ADGRL3: variants seen among roughly 807,000 people sequenced by gnomAD.
ADGRL3 encodes calcium-independent alpha-latrotoxin receptor 3.
ADGRL3 carries 62 observed loss-of-function variants against 153.5 expected under a neutral mutation model. That is an observed-to-expected ratio of 0.40 (90% CI 0.33 to 0.50). The LOEUF (loss-of-function observed/expected upper bound fraction) is 0.50, where lower values mean the gene tolerates loss of function less well. ADGRL3 is among the 20% of genes least tolerant of loss of function. The pLI is 0.47. For missense variants in ADGRL3, 1,641 were observed against 1,859.4 expected (o/e 0.88, Z 2.16); for synonymous variants, 710 against 672.5 (o/e 1.06, Z -0.86).
chr4:61,682,147 G>A (rs1472234980), intron 6 of ADGRL3, among the ~76,000 whole-genome samples: 4 of 151,906 alleles, frequency 2.6e-5, no homozygotes, highest in Non-Finnish European at 5.9e-5. Flanking sequence ...CTTGGTGATT[G>A]CAATCCTCAA....
At chr4:61,747,278 T>A (rs1007531782) in intron 8 of ADGRL3, among the ~76,000 whole-genome samples, 1 of 149,490 alleles carries the variant, frequency 6.7e-6, no homozygotes, top group African/African-American at 2.5e-5. Flanking sequence ...CTACCAGAGG[T>A]ACAAGGAGGA....
chr4:61,350,880 A>G (rs961344353), intron 1 of ADGRL3, among the ~76,000 whole-genome samples: 1 of 152,070 alleles, frequency 6.6e-6, no homozygotes, highest in Non-Finnish European at 1.5e-5. Context: ...TTTTTAAATT[A>G]CACCAATTAA....
chr4:61,654,171 GT>G (rs1386060739), intron 5 of ADGRL3, among the ~76,000 whole-genome samples: 1 of 152,066 alleles, frequency 6.6e-6, no homozygotes, highest in Non-Finnish European at 1.5e-5. Flanking sequence ...GTACCTACTG[GT>G]AGTTAGTTAA....
At chr4:61,685,959 A>G (rs2095434618) in intron 6 of ADGRL3, among the ~76,000 whole-genome samples, 1 of 152,102 alleles carries the variant, frequency 6.6e-6, no homozygotes, top group Non-Finnish European at 1.5e-5. Context: ...GTAAATGTAC[A>G]CTTAGATACT....
intron 17 of ADGRL3, among the ~76,000 whole-genome samples, chr4:61,956,146 C>T (rs1222839455): frequency 6.6e-6 from 1 of 152,156 alleles, no homozygotes; most frequent in Non-Finnish European, 1.5e-5. Context: ...AATTTACATT[C>T]CCACCAATAG....
At chr4:61,347,688 T>A (rs1008517684) in intron 1 of ADGRL3, among the ~76,000 whole-genome samples, 5 of 152,018 alleles carry the variant, frequency 3.3e-5, no homozygotes, top group Non-Finnish European at 5.9e-5. Context: ...AAAAAAATGT[T>A]GAAGTCCTGT....
intron 1 of ADGRL3, among the ~76,000 whole-genome samples, chr4:61,358,612 A>AAAG (rs1366447036): frequency 6.6e-6 from 1 of 150,918 alleles, no homozygotes; most frequent in Non-Finnish European, 1.5e-5. Context: ...AAAAAAAAAA[A>AAAG]AAAAAGAAAG....
chr4:61,761,685 A>G (rs936275792), intron 8 of ADGRL3, among the ~76,000 whole-genome samples: 1 of 152,204 alleles, frequency 6.6e-6, no homozygotes, highest in African/African-American at 2.4e-5. Flanking sequence ...GTCCTGCCAC[A>G]TTGAAAGACT....
intron 8 of ADGRL3, among the ~76,000 whole-genome samples, chr4:61,792,073 G>A (rs1453405595): frequency 6.6e-6 from 1 of 152,160 alleles, no homozygotes; most frequent in Non-Finnish European, 1.5e-5. Context: ...GCAAATTTCT[G>A]CAGCAGGCTT....
At chr4:61,660,476 C>T (rs1391325) in intron 5 of ADGRL3, among the ~76,000 whole-genome samples, 5 of 152,150 alleles carry the variant, frequency 3.3e-5, no homozygotes, top group African/African-American at 1.2e-4. Flanking sequence ...TTAAATGAAT[C>T]GATTTTTATT....
At chr4:61,895,881 C>G in intron 11 of ADGRL3, 47 bp downstream of exon 11, 1 of 1,094,674 alleles carries the variant, frequency 9.1e-7, no homozygotes, top group South Asian at 1.6e-5. Context: ...ACTATATCAT[C>G]TGTTGTTGAT....
chr4:61,579,528 T>C (rs10018746), intron 4 of ADGRL3: 158,607 of 476,270 alleles, frequency 0.33, 29,722 homozygotes, highest in East Asian at 0.64. Flanking sequence ...GCTGCTTTTT[T>C]AGGCAATCCT....
chr4:61,286,779 A>G (rs2093957180), intron 1 of ADGRL3, among the ~76,000 whole-genome samples: 2 of 151,728 alleles, frequency 1.3e-5, no homozygotes, highest in Admixed American at 1.3e-4. Context: ...CGTGAATGAC[A>G]TGAGAAAGGG....
Position 61,837,141 on chromosome 4 carries a change from A to T in ADGRL3, c.1480+23252A>T, listed in dbSNP as rs149135193. On this transcript the variant is annotated intron_variant, in intron 9 of 26. Coordinates refer to ENST00000683033, the MANE Select transcript of ADGRL3 (RefSeq NM_001387552.1). ...TGCTAGAGTCAGGACTCTGGAATAG[A>T]TTCTAAAGAGTAACTACATTTTTTA... 3.3e-3 allele frequency among the ~76,000 whole-genome samples: 500 copies of T among 152,288 alleles called. 1 individual carries two copies. The highest frequency in any genetic ancestry group is 0.011 in the African/African-American group (446 of 41,594).
chr4:61,409,309 A>G (rs1009414166), intron 2 of ADGRL3, among the ~76,000 whole-genome samples: 3 of 141,616 alleles, frequency 2.1e-5, no homozygotes, highest in Non-Finnish European at 4.6e-5. Context: ...TCCATTATAT[A>G]TAATATATAT....
chr4:61,948,082 A>AT lies in ADGRL3; in HGVS notation c.2629-10dup, dbSNP rs200132274. The AT allele has an allele frequency of 1.7e-3, 2,646 of 1,589,224 alleles. 16 individuals are homozygous for AT. In the African/African-American group the frequency reaches 0.019, roughly 11 times the overall value. On this transcript the variant is annotated splice_polypyrimidine_tract_variant and intron_variant, in intron 16 of 26. Coordinates refer to ENST00000683033, the MANE Select transcript of ADGRL3 (RefSeq NM_001387552.1). ...CATAAAGTAGTTGTTGATTTTATGG[A>AT]TTTTTTTTCCCCTGTAGCAGTCAGA...
chr4:61,345,500 G>A (rs760587104), intron 1 of ADGRL3, among the ~76,000 whole-genome samples: 21 of 152,244 alleles, frequency 1.4e-4, no homozygotes, highest in Middle Eastern at 6.8e-3. Flanking sequence ...TATAGAAAGT[G>A]TTTTGTAAGA....
chr4:61,221,434 T>C (rs1468257188), intron 1 of ADGRL3, among the ~76,000 whole-genome samples: 1 of 152,154 alleles, frequency 6.6e-6, no homozygotes, highest in African/African-American at 2.4e-5. Flanking sequence ...GAACTGCTGT[T>C]TCAACATAAG....
At chr4:61,270,122 A>G (rs1276960768) in intron 1 of ADGRL3, among the ~76,000 whole-genome samples, 3 of 151,736 alleles carry the variant, frequency 2.0e-5, no homozygotes, top group Non-Finnish European at 4.4e-5. Flanking sequence ...TAGAGGTATC[A>G]TAATACAATA....
Sources: gnomAD v4.1 joint callset for allele counts (sites outside exome capture counted in the v4.1 genomes callset) on GRCh38, gnomAD v4.1.1 for gene constraint, MANE v1.5 for transcripts, NCBI Gene and HGNC (gene_info 2026-07-23, HGNC 2026-07-21) for gene names.